NRG3: variants seen among roughly 807,000 people sequenced by gnomAD.
The protein encoded by NRG3 is neuregulin 3, also known as pro-neuregulin-3, membrane-bound isoform.
A neutral mutation model predicts 66.9 loss-of-function variants in NRG3; 31 were observed. The observed-to-expected ratio is 0.46, with a 90% CI of 0.35 to 0.63. The LOEUF (loss-of-function observed/expected upper bound fraction) is 0.63, where lower values mean the gene tolerates loss of function less well. NRG3 is among the 20% of genes least tolerant of loss of function. The pLI is 0.00. For synonymous variants in NRG3, 393 were observed against 359.4 expected (o/e 1.09, Z -1.06); for missense variants, 910 against 878.9 (o/e 1.04, Z -0.45).
At chr10:82,366,951 T>C (rs903404548) in intron 2 of NRG3, among the ~76,000 whole-genome samples, 1 of 152,180 alleles carries the variant, frequency 6.6e-6, no homozygotes, top group Admixed American at 6.5e-5. Flanking sequence ...GGAACATTTT[T>C]TAAACGCAGG....
rs1198278903 is a variant in NRG3, at chr10:82,643,471, G to A, written c.954-95106G>A. The stretch of plus-strand genomic sequence containing the variant: ...TTTCTTTTCTAAATTGCCCAGGCTC[G>A]GGTATGTATTTATCAGCAGTGTGAA... On this transcript the variant is annotated intron_variant, in intron 2 of 8. Transcript: ENST00000372141. Among the ~76,000 whole-genome samples the A allele has an allele frequency of 2.0e-5, 3 of 151,912 alleles. No individual in the cohort carries two copies. The East Asian group carries it at 5.8e-4, about 29-fold the overall frequency.
chr10:82,896,912 T>G (rs911874916), intron 4 of NRG3, among the ~76,000 whole-genome samples: 1 of 152,224 alleles, frequency 6.6e-6, no homozygotes, highest in Non-Finnish European at 1.5e-5. Context: ...CCCATACTCA[T>G]GATTAGCAGG....
At chr10:82,534,665 T>A (rs1847643116) in intron 2 of NRG3, among the ~76,000 whole-genome samples, 1 of 152,090 alleles carries the variant, frequency 6.6e-6, no homozygotes, top group Non-Finnish European at 1.5e-5. Context: ...CACTTTCTGA[T>A]TTCAAAATAT....
intron 2 of NRG3, among the ~76,000 whole-genome samples, chr10:82,603,569 T>C (rs973753854): frequency 3.4e-4 from 52 of 152,178 alleles, no homozygotes; most frequent in Admixed American, 3.9e-4. Context: ...ACTTTCCTTT[T>C]ACTTATGACC....
chr10:82,873,806 G>A (rs1841560497), intron 4 of NRG3, among the ~76,000 whole-genome samples: 1 of 152,026 alleles, frequency 6.6e-6, no homozygotes, highest in Non-Finnish European at 1.5e-5. Context: ...TCGGGTAAAC[G>A]AAATGAATGC....
chr10:82,760,494 A>C (rs2059259920), intron 3 of NRG3, among the ~76,000 whole-genome samples: 1 of 152,180 alleles, frequency 6.6e-6, no homozygotes, highest in Admixed American at 6.6e-5. Flanking sequence ...TTACTCTGAT[A>C]ATTAATAGCG....
At chr10:82,500,614 T>C (rs1412862331) in intron 2 of NRG3, among the ~76,000 whole-genome samples, 1 of 144,536 alleles carries the variant, frequency 6.9e-6, no homozygotes, top group Non-Finnish European at 1.5e-5. Flanking sequence ...AGTGGGTCTT[T>C]AGAATCTTTG....
intron 3 of NRG3, among the ~76,000 whole-genome samples, chr10:82,748,407 T>C (rs1388485865): frequency 6.6e-6 from 1 of 151,326 alleles, no homozygotes; most frequent in African/African-American, 2.4e-5. Context: ...ATAATTACAC[T>C]GGAATAAAAA....
At chr10:82,088,769 A>G (rs2065866168) in intron 1 of NRG3, among the ~76,000 whole-genome samples, 1 of 152,140 alleles carries the variant, frequency 6.6e-6, no homozygotes, top group African/African-American at 2.4e-5. Flanking sequence ...ACTTTTCCCC[A>G]ATACAGTTAT....
At chr10:82,872,145 T>TTC (rs1841397886) in intron 4 of NRG3, among the ~76,000 whole-genome samples, 2 of 152,168 alleles carry the variant, frequency 1.3e-5, no homozygotes, top group African/African-American at 4.8e-5. Context: ...GTCAAATGCT[T>TTC]TCTTTAAATC....
At chr10:82,169,105 T>C (rs1481417739) in intron 1 of NRG3, among the ~76,000 whole-genome samples, 1 of 152,128 alleles carries the variant, frequency 6.6e-6, no homozygotes, top group Non-Finnish European at 1.5e-5. Flanking sequence ...TGCAAACATC[T>C]TTCCATAGCA....
intron 1 of NRG3, among the ~76,000 whole-genome samples, chr10:81,991,715 G>T (rs2060748462): frequency 6.6e-6 from 1 of 152,042 alleles, no homozygotes. Flanking sequence ...TGTTTGGATT[G>T]CTATTTGATG....
intron 2 of NRG3, among the ~76,000 whole-genome samples, chr10:82,577,005 G>A (rs994605819): frequency 1.3e-5 from 2 of 151,642 alleles, no homozygotes; most frequent in African/African-American, 4.8e-5. Context: ...CTATGCTTTG[G>A]TTAATAGTTT....
intron 1 of NRG3, among the ~76,000 whole-genome samples, chr10:82,288,867 C>T (rs927872429): frequency 6.6e-6 from 1 of 152,330 alleles, no homozygotes; most frequent in Non-Finnish European, 1.5e-5. Context: ...TAATTTGTCA[C>T]ATTCCTACGT....
At chr10:82,485,194 C>T (rs2132185061) in intron 2 of NRG3, among the ~76,000 whole-genome samples, 2 of 152,096 alleles carry the variant, frequency 1.3e-5, no homozygotes, top group South Asian at 2.1e-4. Flanking sequence ...CAACTGTGTC[C>T]CCACTATAAC....
intron 1 of NRG3, among the ~76,000 whole-genome samples, chr10:81,979,639 G>T (rs1409356374): frequency 6.6e-6 from 1 of 152,100 alleles, no homozygotes; most frequent in African/African-American, 2.4e-5. Context: ...CAAATGTTTT[G>T]ATAGCAGAGT....
chr10:81,917,711 A>G (rs1450783733), intron 1 of NRG3, among the ~76,000 whole-genome samples: 1 of 152,226 alleles, frequency 6.6e-6, no homozygotes, highest in Non-Finnish European at 1.5e-5. Context: ...CATCCAGCAC[A>G]TAGATACAGT....
intron 1 of NRG3, among the ~76,000 whole-genome samples, chr10:82,126,033 G>T (rs992467553): frequency 3.1e-4 from 47 of 152,018 alleles, no homozygotes; most frequent in African/African-American, 1.1e-3. Context: ...GGACGCTTAA[G>T]AGTGAAGGGA....
intron 2 of NRG3, among the ~76,000 whole-genome samples, chr10:82,538,532 A>T (rs1012810516): frequency 1.1e-4 from 17 of 152,196 alleles, no homozygotes; most frequent in African/African-American, 4.1e-4. Flanking sequence ...TTTTTCTGTT[A>T]TCAGTTTTTT....
Sources: gnomAD v4.1 joint callset for allele counts (sites outside exome capture counted in the v4.1 genomes callset) on GRCh38, gnomAD v4.1.1 for gene constraint, MANE v1.5 for transcripts, NCBI Gene and HGNC (gene_info 2026-07-23, HGNC 2026-07-21) for gene names.